SP140L: variants seen among roughly 807,000 people sequenced by gnomAD.
The protein encoded by SP140L is nuclear body protein SP140-like protein.
SP140L carries 64 observed loss-of-function variants against 84.3 expected under a neutral mutation model. The observed-to-expected ratio is 0.76, with a 90% CI of 0.62 to 0.94. SP140L has a LOEUF of 0.94. Among genes scored for constraint, SP140L ranks in the 40% least tolerant of loss-of-function variants. SP140L has a pLI of 0.00. For synonymous variants in SP140L, 242 were observed against 236.9 expected, an observed-to-expected ratio of 1.02 and a Z score of -0.20; for missense variants, 628 against 692.5, an observed-to-expected ratio of 0.91 and a Z score of 1.05.
chr2:230,335,741 T>C (rs1475108577), intron 2 of SP140L, among the ~76,000 whole-genome samples: 2 of 152,096 alleles, frequency 1.3e-5, no homozygotes, highest in Admixed American at 6.6e-5. Context: ...ACTAGGATGA[T>C]TGGAGAGGGA....
At chr2:230,382,761 C>G (rs1262838658) in intron 7 of SP140L, among the ~76,000 whole-genome samples, 1 of 152,206 alleles carries the variant, frequency 6.6e-6, no homozygotes, top group African/African-American at 2.4e-5. Flanking sequence ...TGGTCACTAT[C>G]CGGGAAGGAG....
intron 5 of SP140L, among the ~76,000 whole-genome samples, chr2:230,368,010 A>T (rs1045260104): frequency 1.3e-5 from 2 of 152,244 alleles, no homozygotes; most frequent in African/African-American, 4.8e-5. Context: ...TGGTTTACAC[A>T]CCACCATTAC....
Position 230,385,249 on chromosome 2 carries a change from G to A in SP140L, c.729G>A (p.Leu243=). 1 of 1,613,694 alleles carries A rather than the reference G, an allele frequency of 6.2e-7. No homozygotes were observed. The highest frequency in any genetic ancestry group is 8.5e-7 in the Non-Finnish European group (1 of 1,179,758). The part of the protein sequence containing the change: ...QNDNSKADGQ[L]VSSEKKANMN... ...ATAACAGCAAAGCCGATGGCCAGCT[G>A]GTCTCGAGTGAAAAGAAGGCGAACA... The change falls in exon 9 of 19, where the codon CTG becomes CTA. Residue 243 remains leucine, a synonymous_variant. Transcript: ENST00000415673.
At chr2:230,402,608 G>A (rs559030839) in intron 18 of SP140L, among the ~76,000 whole-genome samples, 190 bp from the exon 19 acceptor site, 2 of 152,226 alleles carry the variant, frequency 1.3e-5, no homozygotes, top group South Asian at 2.1e-4. Context: ...TAATTAGTTT[G>A]ATTTAATTAT....
chr2:230,358,881 C>A, intron 3 of SP140L, 83 bp from the exon 4 acceptor site: 1 of 1,140,634 alleles, frequency 8.8e-7, no homozygotes, highest in Non-Finnish European at 1.2e-6. Flanking sequence ...AATTGAAATT[C>A]AGTAACCATA....
intron 7 of SP140L, among the ~76,000 whole-genome samples, chr2:230,374,771 C>T (rs1052621913): frequency 1.3e-5 from 2 of 152,100 alleles, no homozygotes; most frequent in Non-Finnish European, 2.9e-5. Flanking sequence ...ATTTTTTGAG[C>T]TATAAAGTAT....
At chr2:230,328,970 G>GTCTTTTC in intron 2 of SP140L, 139 bp downstream of exon 2, 1 of 1,332,534 alleles carries the variant, frequency 7.5e-7, no homozygotes, top group Non-Finnish European at 9.8e-7. Context: ...TGATTCAGTT[G>GTCTTTTC]AGGTGTTTGT....
intron 7 of SP140L, among the ~76,000 whole-genome samples, chr2:230,382,002 G>T (rs1353232379): frequency 1.3e-5 from 2 of 152,166 alleles, no homozygotes; most frequent in African/African-American, 4.8e-5. Flanking sequence ...CATGGCTCCT[G>T]GCTGTCTGTA....
At chr2:230,380,120 C>T (rs1456341614) in intron 7 of SP140L, among the ~76,000 whole-genome samples, 1 of 152,154 alleles carries the variant, frequency 6.6e-6, no homozygotes, top group Non-Finnish European at 1.5e-5. Context: ...GGGGAGGCTT[C>T]ACAATCATGG....
At chr2:230,360,843 T>C (rs2060692051) in intron 4 of SP140L, among the ~76,000 whole-genome samples, 1 of 152,202 alleles carries the variant, frequency 6.6e-6, no homozygotes, top group Non-Finnish European at 1.5e-5. Context: ...TCCTCTGTTA[T>C]GTTTATCTGG....
intron 5 of SP140L, among the ~76,000 whole-genome samples, chr2:230,367,111 C>T (rs9653379): frequency 0.26 from 39,041 of 151,758 alleles, 6,953 homozygotes; most frequent in East Asian, 0.6. Context: ...GCTTTGACTC[C>T]TCTTTAGCTT....
chr2:230,348,265 A>G (rs1156432105), intron 2 of SP140L, among the ~76,000 whole-genome samples: 1 of 152,262 alleles, frequency 6.6e-6, no homozygotes, highest in African/African-American at 2.4e-5. Flanking sequence ...TTGCATGCGA[A>G]TATAGTAACA....
chr2:230,390,113 C>G (rs2061739906), intron 11 of SP140L, 90 bp downstream of exon 11: 1 of 1,224,154 alleles, frequency 8.2e-7, no homozygotes, highest in Non-Finnish European at 1.2e-6. Flanking sequence ...ACACATCATT[C>G]AAGGAGTTTT....
chr2:230,378,052 T>A (rs1441009089), intron 7 of SP140L, among the ~76,000 whole-genome samples: 6 of 152,212 alleles, frequency 3.9e-5, no homozygotes, highest in Non-Finnish European at 1.5e-5. Flanking sequence ...CATTCCATCA[T>A]AATTTGTTGA....
At chr2:230,384,944 A>G (rs1018906378) in intron 8 of SP140L, among the ~76,000 whole-genome samples, 1 of 152,186 alleles carries the variant, frequency 6.6e-6, no homozygotes, top group Non-Finnish European at 1.5e-5. Flanking sequence ...AAAAACAAGA[A>G]TGGGTGTTTT....
In SP140L at chr2:230,358,039, G is replaced by A. The variant is rs547904551; in HGVS notation, c.270+72G>A. ...TACAAGTATTTCTGTAAGTGCTCCT[G>A]TAAAGTAGAAAAGGAGAGGAGAAGC... On this transcript the variant is annotated intron_variant, in intron 3 of 18. Transcript: ENST00000415673. 1.1e-4 allele frequency: 164 copies of A among 1,547,796 alleles called. No individual in the cohort carries two copies. The African/African-American group carries it at 2.0e-3, about 19-fold the overall frequency.
chr2:230,388,266 A>AAATGAACCTTCAAAATATGG (rs1182272787), intron 9 of SP140L, among the ~76,000 whole-genome samples: 1 of 152,216 alleles, frequency 6.6e-6, no homozygotes, highest in Non-Finnish European at 1.5e-5. Flanking sequence ...TCAAAATATG[A>AAATGAACCTTCAAAATATGG]AATGAACCTT....
At chr2:230,335,878 C>T (rs1487687272) in intron 2 of SP140L, among the ~76,000 whole-genome samples, 3 of 152,094 alleles carry the variant, frequency 2.0e-5, no homozygotes, top group Admixed American at 6.5e-5. Context: ...GTCTTCACCC[C>T]AGAAAAGAAT....
chr2:230,361,230 GC>G (rs1465509008), intron 4 of SP140L, among the ~76,000 whole-genome samples: 1 of 152,168 alleles, frequency 6.6e-6, no homozygotes, highest in African/African-American at 2.4e-5. Flanking sequence ...ACGATTACAA[GC>G]ATGAGCCACT....
Sources: allele counts gnomAD v4.1 joint callset (sites outside exome capture counted in the v4.1 genomes callset), GRCh38; gene constraint gnomAD v4.1.1; transcripts MANE v1.5; gene names NCBI Gene and HGNC (gene_info 2026-07-23, HGNC 2026-07-21).